The following ACOT7 variants were observed in gnomAD, a reference collection of about 807,000 sequenced individuals.
The protein encoded by ACOT7 is cytosolic acyl coenzyme A thioester hydrolase.
Under a neutral mutation model 40.2 loss-of-function variants are expected in ACOT7, and 12 were observed. The ratio of observed to expected loss-of-function variants is 0.30; its 90% CI spans 0.19 to 0.48. The LOEUF (loss-of-function observed/expected upper bound fraction) is 0.48, where lower values mean the gene tolerates loss of function less well. Ranked by LOEUF, ACOT7 falls within the 20% of genes least tolerant of loss-of-function variation. The pLI is 0.99. For synonymous variants in ACOT7, 228 were observed against 219.5 expected, an observed-to-expected ratio of 1.04 and a Z score of -0.34; for missense variants, 395 against 530.8, an observed-to-expected ratio of 0.74 and a Z score of 2.51.
chr1:6,387,028 G>A (rs574590616), intron 1 of ACOT7, among the ~76,000 whole-genome samples: 2 of 152,326 alleles, frequency 1.3e-5, no homozygotes, highest in East Asian at 3.9e-4. Context: ...CTGGTGAAGA[G>A]AAACTGCAGT....
chr1:6,307,860 A>G (rs1304453602), intron 6 of ACOT7, among the ~76,000 whole-genome samples: 1 of 151,562 alleles, frequency 6.6e-6, no homozygotes, highest in Non-Finnish European at 1.5e-5. Context: ...AGAGGGAACC[A>G]CAAACAGGCA....
At chr1:6,390,662 G>A (rs556923599) in intron 1 of ACOT7, among the ~76,000 whole-genome samples, 64 of 150,898 alleles carry the variant, frequency 4.2e-4, no homozygotes, top group Non-Finnish European at 8.4e-4. Flanking sequence ...CGGGCCAGGC[G>A]CAGTGGCTCA....
chr1:6,308,803 C>T (rs1223092163), intron 6 of ACOT7, among the ~76,000 whole-genome samples: 1 of 151,824 alleles, frequency 6.6e-6, no homozygotes. Flanking sequence ...GGAAAAGCGA[C>T]TGGGCGGAGG....
At position 6,352,555 on chromosome 1, in the gene ACOT7, A is replaced by G. The variant is rs193234890; in HGVS notation, c.144-2689T>C. ...AGGGGTGAGAGCCAGGGAGCCAGGG[A>G]AGCTGCTGCGTCTCACTGGAGACTT... On this transcript the variant is annotated intron_variant, in intron 1 of 8. Transcript: ENST00000361521. This position sits in a 1 kb window ranked among gnomAD's most constrained non-coding sequence, Gnocchi z 4.5. Among the ~76,000 whole-genome samples, 439 of 151,616 alleles carry G rather than the reference A, an allele frequency of 2.9e-3. No homozygotes were observed. The highest frequency in any genetic ancestry group is 9.6e-3 in the South Asian group (46 of 4,802).
intron 6 of ACOT7, among the ~76,000 whole-genome samples, chr1:6,315,133 T>C (rs1260162981): frequency 6.6e-6 from 1 of 152,210 alleles, no homozygotes; most frequent in African/African-American, 2.4e-5. Flanking sequence ...ACACCCTTCA[T>C]GAGTTTATCA....
At chr1:6,329,698 C>T (rs1640902533) in intron 4 of ACOT7, among the ~76,000 whole-genome samples, 1 of 152,110 alleles carries the variant, frequency 6.6e-6, no homozygotes, top group Non-Finnish European at 1.5e-5. Flanking sequence ...GCACCTAACT[C>T]TCACCCCCGA....
chr1:6,333,086 G>C (rs1641006225), intron 4 of ACOT7, among the ~76,000 whole-genome samples: 1 of 152,244 alleles, frequency 6.6e-6, no homozygotes, highest in African/African-American at 2.4e-5. Context: ...GAAAGGACAT[G>C]TCACTATCAC....
At chr1:6,283,908 T>A (rs1639425708) in intron 7 of ACOT7, among the ~76,000 whole-genome samples, 1 of 152,108 alleles carries the variant, frequency 6.6e-6, no homozygotes, top group Admixed American at 6.5e-5. Context: ...GGCGGGAGCA[T>A]CGTTTGAGCC....
chr1:6,291,286 T>A (rs1422607669), intron 7 of ACOT7, among the ~76,000 whole-genome samples: 1 of 151,858 alleles, frequency 6.6e-6, no homozygotes, highest in Non-Finnish European at 1.5e-5. Flanking sequence ...ACAAGTGTCC[T>A]TATAAGAGAC....
At chr1:6,284,457 T>C (rs550511551) in intron 7 of ACOT7, among the ~76,000 whole-genome samples, 23 of 150,858 alleles carry the variant, frequency 1.5e-4, no homozygotes, top group African/African-American at 5.6e-4. Context: ...ATGCCTGTAA[T>C]CCCAGCTACT....
chr1:6,273,808 G>A (rs1393979165), intron 8 of ACOT7, among the ~76,000 whole-genome samples: 1 of 152,234 alleles, frequency 6.6e-6, no homozygotes, highest in Non-Finnish European at 1.5e-5. Flanking sequence ...CAGTGCTTCC[G>A]CCCACTCTTT....
Position 6,327,377 on chromosome 1 carries a change from G to A in ACOT7, c.547C>T (p.Arg183Trp). 3 of 1,614,136 alleles carry A rather than the reference G, an allele frequency of 1.9e-6. No homozygotes were observed. The highest frequency in any genetic ancestry group is 1.7e-6 in the Non-Finnish European group (2 of 1,180,020). ...RQEQEEEGRK[R>W]YEAQKLERME... ...CGCTCCAGCTTCTGGGCTTCATACC[G>A]CTTCCGGCCCTCCTCCTCCTGCTCC... The change falls in exon 5 of 9, where the codon CGG becomes TGG. Residue 183 changes from arginine (R) to tryptophan (W), a missense_variant. Physicochemically the swap from Arg to Trp is moderately radical, Grantham distance 101. Coordinates refer to ENST00000361521, the MANE Select transcript of ACOT7 (RefSeq NM_007274.4).
At chr1:6,385,528 C>CA (rs1157492439) in intron 1 of ACOT7, 2 of 1,612,052 alleles carry the variant, frequency 1.2e-6, no homozygotes, top group Middle Eastern at 3.3e-4. Flanking sequence ...GGTGGGAGAT[C>CA]AGCCCTGGGC....
chr1:6,297,556 G>A (rs1481660164), intron 6 of ACOT7, among the ~76,000 whole-genome samples: 1 of 152,144 alleles, frequency 6.6e-6, no homozygotes, highest in Non-Finnish European at 1.5e-5. Context: ...CCCCCCATGG[G>A]GACCCCATTC....
intron 6 of ACOT7, among the ~76,000 whole-genome samples, chr1:6,307,843 A>G (rs898922704): frequency 4.6e-5 from 7 of 151,122 alleles, no homozygotes; most frequent in Non-Finnish European, 8.8e-5. Flanking sequence ...GGGAACTACA[A>G]CTGGGCAGAG....
intron 5 of ACOT7, among the ~76,000 whole-genome samples, chr1:6,322,933 C>T (rs1000416999): frequency 2.6e-5 from 4 of 151,940 alleles, no homozygotes; most frequent in Non-Finnish European, 5.9e-5. Flanking sequence ...GAGTTCGAGA[C>T]CAACCTGGCC....
At chr1:6,279,228 G>C (rs1172757510) in intron 8 of ACOT7, among the ~76,000 whole-genome samples, 1 of 152,230 alleles carries the variant, frequency 6.6e-6, no homozygotes, top group Non-Finnish European at 1.5e-5. Context: ...GCAGGGTCAG[G>C]GGCTGAGGAA....
In ACOT7 at chr1:6,306,644, C is replaced by T. The variant is rs772960363; in HGVS notation, c.713-11664G>A. The T allele has an allele frequency of 6.1e-6, 6 of 985,256 alleles. No individual in the cohort carries two copies. Among genetic ancestry groups the T allele is most frequent in the Non-Finnish European group, 7.2e-6 (6 of 829,914 alleles). 61.0% of individuals were successfully genotyped at this position (985,256 alleles called of 1,614,324 possible). A position where few individuals can be genotyped will look rare whatever the true frequency, so the allele number is the denominator to read the frequency against. On this transcript the variant is annotated intron_variant, in intron 6 of 8. Transcript: ENST00000361521. The surrounding 1 kb of genome is among the most constrained non-coding windows in gnomAD (Gnocchi z 4.3). ...CTGCAGCCTGTGCCACTCAGCTTCA[C>T]GAGGAAGAAAGCGGCGTCCCAAAGC...
chr1:6,345,835 G>C (rs1475583638), intron 2 of ACOT7, among the ~76,000 whole-genome samples: 2 of 152,142 alleles, frequency 1.3e-5, no homozygotes, highest in African/African-American at 4.8e-5. Context: ...ACAGGGAGAG[G>C]AAGGGTGAGC....
Sources: allele counts gnomAD v4.1 joint callset (sites outside exome capture counted in the v4.1 genomes callset), GRCh38; gene constraint gnomAD v4.1.1; non-coding constraint Gnocchi (gnomAD v3.1); transcripts MANE v1.5; gene names NCBI Gene and HGNC (gene_info 2026-07-23, HGNC 2026-07-21).